Variants in PPP1R16B observed in about 807,000 individuals in gnomAD.
The protein encoded by PPP1R16B is protein phosphatase 1 regulatory inhibitor subunit 16B.
A neutral mutation model predicts 61.7 loss-of-function variants in PPP1R16B; 14 were observed. The ratio of observed to expected loss-of-function variants is 0.23; its 90% confidence interval spans 0.15 to 0.35. PPP1R16B has a LOEUF of 0.35. Among genes scored for constraint, PPP1R16B ranks in the 10% least tolerant of loss-of-function variants. The probability of loss-of-function intolerance (pLI) is 1.00; values close to 1 mark genes in which losing one functional copy is unlikely to be tolerated. For synonymous variants in PPP1R16B, 266 were observed against 305.3 expected (o/e 0.87, Z 1.34); for missense variants, 547 against 752.5 (o/e 0.73, Z 3.19).
At chr20:38,873,628 C>G (rs950373145) in intron 2 of PPP1R16B, among the ~76,000 whole-genome samples, 4 of 152,154 alleles carry the variant, frequency 2.6e-5, no homozygotes, top group Non-Finnish European at 5.9e-5. Context: ...GGCAGGAGGC[C>G]TCACTCCCTC....
At chr20:38,807,101 GCT>G (rs958822206) in intron 1 of PPP1R16B, among the ~76,000 whole-genome samples, 1 of 152,194 alleles carries the variant, frequency 6.6e-6, no homozygotes, top group African/African-American at 2.4e-5. Context: ...TTCCCGCAGG[GCT>G]CTCCCTGGAA....
chr20:38,828,785 G>A (rs1342683697), intron 1 of PPP1R16B, among the ~76,000 whole-genome samples: 3 of 152,246 alleles, frequency 2.0e-5, no homozygotes, highest in Non-Finnish European at 4.4e-5. Flanking sequence ...ACCCAGCACT[G>A]AGTAATAATG....
At chr20:38,896,028 T>TCA (rs1375857016) in intron 4 of PPP1R16B, among the ~76,000 whole-genome samples, 6 of 124,868 alleles carry the variant, frequency 4.8e-5, no homozygotes, top group African/African-American at 2.1e-4. Flanking sequence ...CTTTCTTTCC[T>TCA]CTCTTCCTTC....
In PPP1R16B at chr20:38,921,980, C is replaced by T. The variant is rs2085602837; in HGVS notation, c.*3314C>T. 2 of 152,156 alleles carry T rather than the reference C, an allele frequency of 1.3e-5. No homozygotes were observed. Among genetic ancestry groups the T allele is most frequent in the South Asian group, 2.1e-4 (1 of 4,828 alleles). 9.4% of individuals were successfully genotyped at this position (152,156 alleles called of 1,614,324 possible). On this transcript the variant is annotated 3_prime_UTR_variant, in exon 11 of 11. Transcript: ENST00000299824. ...TGAGACCCAGGTCCTATGGCAGCTC[C>T]TCATTAGATTAAAGGAGACCACTTC... is the stretch of plus-strand genomic sequence containing the variant.
chr20:38,901,983 A>C (rs555411474), intron 5 of PPP1R16B, among the ~76,000 whole-genome samples: 32 of 152,144 alleles, frequency 2.1e-4, no homozygotes, highest in Non-Finnish European at 3.8e-4. Context: ...GTGTGATTTT[A>C]TTTCCTCCTT....
chr20:38,853,110 T>C (rs2084980826), intron 2 of PPP1R16B, among the ~76,000 whole-genome samples: 1 of 152,144 alleles, frequency 6.6e-6, no homozygotes, highest in Non-Finnish European at 1.5e-5. Flanking sequence ...AAATGGTCAG[T>C]ATTTCTGTCA....
intron 3 of PPP1R16B, among the ~76,000 whole-genome samples, chr20:38,890,016 C>T (rs1394158593): frequency 2.6e-5 from 4 of 152,226 alleles, no homozygotes; most frequent in African/African-American, 7.2e-5. Flanking sequence ...TCCACCCTGG[C>T]GACAGAGGCA....
At chr20:38,834,393 G>T (rs1726396526) in intron 1 of PPP1R16B, among the ~76,000 whole-genome samples, 1 of 152,178 alleles carries the variant, frequency 6.6e-6, no homozygotes. Flanking sequence ...GCTTAGAGAG[G>T]ATCAAGTGAT....
chr20:38,859,114 C>T (rs995342526), intron 2 of PPP1R16B, among the ~76,000 whole-genome samples: 2 of 152,200 alleles, frequency 1.3e-5, no homozygotes, highest in African/African-American at 4.8e-5. Context: ...ACCAAGACCC[C>T]ACCTTCTGAT....
Position 38,836,091 on chromosome 20 carries a change from A to T in PPP1R16B, c.166A>T (p.Ser56Cys). 1 of 1,611,958 alleles carries T rather than the reference A, an allele frequency of 6.2e-7. No individual in the cohort carries two copies. ...HRKRKHERKR[S>C]TGGRRKKVSF... ...CAAGCGAAAGCATGAGCGGAAGCGC[A>T]GCACGGGCGGCCGCCGCAAGAAAGT... Residue 56 changes from serine (S) to cysteine (C), a missense_variant, in exon 2 of 11, where the codon AGC (serine) becomes TGC (cysteine). Physicochemically the swap from Ser to Cys is moderately radical, Grantham distance 112. Coordinates refer to ENST00000299824, the MANE Select transcript of PPP1R16B (RefSeq NM_015568.4).
Position 38,922,888 on chromosome 20 carries a change from C to T in PPP1R16B, c.*4222C>T, listed in dbSNP as rs2085612378. 6.6e-6 allele frequency: 1 copy of T among 152,478 alleles called. No individual in the cohort carries two copies. The highest frequency in any genetic ancestry group is 2.4e-5 in the African/African-American group (1 of 41,572). The allele number at this position is 152,478 out of a possible 1,614,324, so 9.4% of individuals were successfully genotyped here. On this transcript the variant is annotated 3_prime_UTR_variant, in exon 11 of 11. Transcript: ENST00000299824. ...CCCTTGCCACGCGGCACCGGTGGGC[C>T]TTGGGTCCAAAACTGTGGCTCAGCC...
Position 38,806,429 on chromosome 20 carries a change from C to A in PPP1R16B, c.-102+637C>A, listed in dbSNP as rs1411811489. The stretch of plus-strand genomic sequence containing the variant: ...GAGTGGTAGTTCCCCGGGAGGGGCG[C>A]GCCCGGCCTCTCCCAGGGCCCCGTG... On this transcript the variant is annotated intron_variant, in intron 1 of 10. Coordinates refer to ENST00000299824, the MANE Select transcript of PPP1R16B (RefSeq NM_015568.4). The surrounding 1 kb of genome is among the most constrained non-coding windows in gnomAD (Gnocchi z 4.5). Among the ~76,000 whole-genome samples, 1 of 152,010 alleles carries A rather than the reference C, an allele frequency of 6.6e-6. No homozygotes were observed. The highest frequency in any genetic ancestry group is 1.5e-5 in the Non-Finnish European group (1 of 67,944).
At chr20:38,875,188 T>C (rs2085157338) in intron 2 of PPP1R16B, among the ~76,000 whole-genome samples, 1 of 152,146 alleles carries the variant, frequency 6.6e-6, no homozygotes, top group South Asian at 2.1e-4. Flanking sequence ...CCAAGTCCCA[T>C]ACATCACTCT....
chr20:38,829,344 T>C (rs1174140100), intron 1 of PPP1R16B, among the ~76,000 whole-genome samples: 5 of 152,218 alleles, frequency 3.3e-5, no homozygotes, highest in Non-Finnish European at 7.3e-5. Context: ...ATATCACAGA[T>C]ACTTCCTGGA....
chr20:38,885,498 C>T (rs1431837052), intron 2 of PPP1R16B, among the ~76,000 whole-genome samples: 1 of 152,210 alleles, frequency 6.6e-6, no homozygotes, highest in Non-Finnish European at 1.5e-5. Flanking sequence ...GCACAGGTCT[C>T]GACGTGGCAG....
chr20:38,859,084 C>A (rs1274930875), intron 2 of PPP1R16B, among the ~76,000 whole-genome samples: 1 of 152,086 alleles, frequency 6.6e-6, no homozygotes, highest in Non-Finnish European at 1.5e-5. Context: ...ACCAAGCCGA[C>A]CCCGACTTCA....
At chr20:38,906,223 A>G (rs1568683763) in intron 7 of PPP1R16B, 129 bp downstream of exon 7, 2 of 857,278 alleles carry the variant, frequency 2.3e-6, no homozygotes, top group Admixed American at 3.5e-5. Flanking sequence ...AATATAGCTC[A>G]TATGTGGGAT....
At chr20:38,810,271 T>G (rs533389090) in intron 1 of PPP1R16B, among the ~76,000 whole-genome samples, 1 of 152,260 alleles carries the variant, frequency 6.6e-6, no homozygotes, top group Admixed American at 6.5e-5. Flanking sequence ...AGCAGAGTCA[T>G]GAGAAAGTTT....
intron 1 of PPP1R16B, among the ~76,000 whole-genome samples, chr20:38,826,350 G>T (rs148100785): frequency 2.0e-5 from 3 of 152,130 alleles, no homozygotes; most frequent in African/African-American, 4.8e-5. Flanking sequence ...TGACTAATGC[G>T]TTTGTAGACA....
Sources: gnomAD v4.1 joint callset for allele counts (sites outside exome capture counted in the v4.1 genomes callset) on GRCh38, gnomAD v4.1.1 for gene constraint, Gnocchi (gnomAD v3.1) non-coding constraint, MANE v1.5 for transcripts, NCBI Gene and HGNC (gene_info 2026-07-23, HGNC 2026-07-21) for gene names.